PTCH1: variants seen among roughly 807,000 people sequenced by gnomAD.
PTCH1 encodes the protein patched 1.
A neutral mutation model predicts 144.6 loss-of-function variants in PTCH1; 14 were observed. That is an observed-to-expected ratio of 0.10 (90% CI 0.06 to 0.15). The LOEUF (loss-of-function observed/expected upper bound fraction) is 0.15, where lower values mean the gene tolerates loss of function less well. Ranked by LOEUF, PTCH1 falls within the 10% of genes least tolerant of loss-of-function variation. The pLI, the probability that PTCH1 is intolerant of heterozygous loss-of-function variation, is 1.00. For missense variants in PTCH1, 1,623 were observed against 1,948.3 expected, an observed-to-expected ratio of 0.83 and a Z score of 3.14; for synonymous variants, 833 against 793.6, an observed-to-expected ratio of 1.05 and a Z score of -0.83.
intron 19 of PTCH1, 112 bp from the exon 20 acceptor site, chr9:95,453,732 G>T: frequency 6.9e-7 from 1 of 1,448,190 alleles, no homozygotes; most frequent in Non-Finnish European, 9.5e-7. Flanking sequence ...TACTGTTTTA[G>T]TTGCTAGAAT....
In PTCH1 at chr9:95,476,947, T is replaced by C; in HGVS notation, c.1504-90A>G. On this transcript the variant is annotated intron_variant, in intron 10 of 23. Transcript: ENST00000331920. The surrounding 1 kb of genome is among the most constrained non-coding windows in gnomAD (Gnocchi z 4.6). The stretch of plus-strand genomic sequence containing the variant: ...TAGTTAGGACTCTGCCACCAGCACC[T>C]AACAGCTCCTGAAGCAGGGCTTCCG... 8.3e-7 allele frequency: 1 copy of C among 1,207,254 alleles called. No homozygotes were observed. Among genetic ancestry groups the C allele is most frequent in the Non-Finnish European group, 1.2e-6 (1 of 829,592 alleles). The allele number at this position is 1,207,254 out of a possible 1,614,324, so 74.8% of individuals were successfully genotyped here.
intron 22 of PTCH1, among the ~76,000 whole-genome samples, chr9:95,447,747 C>G (rs1053237587): frequency 6.6e-6 from 1 of 152,222 alleles, no homozygotes; most frequent in African/African-American, 2.4e-5. Context: ...TGCTGCCCCC[C>G]ACAACCTGCC....
In PTCH1 at chr9:95,483,895, A is replaced by G. The variant is rs574216678; in HGVS notation, c.585-1692T>C. 4 of 152,360 alleles carry G rather than the reference A, an allele frequency of 2.6e-5. No homozygotes were observed. In the East Asian group the frequency reaches 7.7e-4, roughly 29 times the overall value. 9.4% of individuals were successfully genotyped at this position (152,360 alleles called of 1,614,324 possible). ...ACACTTGAGAAGGACATCATTGTGC[A>G]TTAGAAAAATGAATGGGCTTGAAGC... is the stretch of plus-strand genomic sequence containing the variant. On this transcript the variant is annotated intron_variant, in intron 3 of 23. Transcript: ENST00000331920.
At position 95,453,578 on chromosome 9, in the gene PTCH1, G is replaced by C; in HGVS notation, c.3349C>G (p.Leu1117Val). The change falls in exon 20 of 24, where the codon CTT becomes GTT. Residue 1117 changes from leucine (L) to valine (V), a missense_variant. Coordinates refer to ENST00000331920, the MANE Select transcript of PTCH1 (RefSeq NM_000264.5). ...GGTGCAAACATGTGCTCCAGGGCAA[G>C]CACAGCCCTGCGGTTCTTGTCGCCG... is the stretch of plus-strand genomic sequence containing the variant. ...AIGDKNRRAV[L>V]ALEHMFAPVL... The C allele has an allele frequency of 6.2e-7, 1 of 1,614,044 alleles. No homozygotes were observed.
At chr9:95,500,444 A>G (rs1400919937) in intron 2 of PTCH1, among the ~76,000 whole-genome samples, 1 of 152,196 alleles carries the variant, frequency 6.6e-6, no homozygotes, top group Non-Finnish European at 1.5e-5. Context: ...GAAACTAATA[A>G]ATACCTATAA....
At chr9:95,481,549 T>C (rs914174629) in intron 5 of PTCH1, among the ~76,000 whole-genome samples, 21 of 152,228 alleles carry the variant, frequency 1.4e-4, no homozygotes, top group Non-Finnish European at 2.9e-4. Context: ...CACAGGAAGA[T>C]CTCAAACTCA....
intron 22 of PTCH1, among the ~76,000 whole-genome samples, chr9:95,448,730 GAA>G (rs76240653): frequency 4.4e-5 from 6 of 134,908 alleles, no homozygotes; most frequent in Admixed American, 7.4e-5. Context: ...ACCTTAAGAG[GAA>G]AAAAAAAAAA....
chr9:95,503,667 T>C (rs986843205), intron 2 of PTCH1, among the ~76,000 whole-genome samples: 1 of 152,138 alleles, frequency 6.6e-6, no homozygotes, highest in African/African-American at 2.4e-5. Flanking sequence ...TAGTTTCCCA[T>C]CTGTAAAATG....
At position 95,449,980 on chromosome 9, in the gene PTCH1, G is replaced by T. The variant is rs774438148; in HGVS notation, c.3450-40C>A. On this transcript the variant is annotated intron_variant, in intron 20 of 23. Transcript: ENST00000331920. The surrounding 1 kb of genome is among the most constrained non-coding windows in gnomAD (Gnocchi z 5.3). ...GGAAACGGGAACACGCGCTGTGACAGGGTGGATCGCGCCACCCTCCGTGTG... is the reference window on the plus strand; with the variant it reads ...GGAAACGGGAACACGCGCTGTGACATGGTGGATCGCGCCACCCTCCGTGTG... The T allele has an allele frequency of 6.4e-7, 1 of 1,573,492 alleles. No individual in the cohort carries two copies. The highest frequency in any genetic ancestry group is 8.7e-7 in the Non-Finnish European group (1 of 1,144,610).
chr9:95,471,898 G>T (rs1431300621), intron 12 of PTCH1, among the ~76,000 whole-genome samples: 1 of 152,302 alleles, frequency 6.6e-6, no homozygotes, highest in South Asian at 2.1e-4. Context: ...TTAGCCAGGC[G>T]TGGTGGCGCA....
At chr9:95,488,424 A>G (rs1408812108) in intron 2 of PTCH1, among the ~76,000 whole-genome samples, 1 of 152,218 alleles carries the variant, frequency 6.6e-6, no homozygotes, top group African/African-American at 2.4e-5. Context: ...CACCTATGCC[A>G]TATATACTAT....
At chr9:95,447,581 A>G in intron 22 of PTCH1, 130 bp from the exon 23 acceptor site, 1 of 966,996 alleles carries the variant, frequency 1.0e-6, no homozygotes, top group Non-Finnish European at 1.5e-6. Flanking sequence ...GGGGCCTTCC[A>G]CCCACAAAAG....
intron 12 of PTCH1, among the ~76,000 whole-genome samples, chr9:95,475,097 T>C (rs1840910405): frequency 6.6e-6 from 1 of 152,176 alleles, no homozygotes; most frequent in African/African-American, 2.4e-5. Context: ...CACAAACTGG[T>C]GAAGTCTCTG....
intron 7 of PTCH1, 172 bp downstream of exon 7, chr9:95,479,797 T>C: frequency 9.4e-7 from 1 of 1,058,398 alleles, no homozygotes; most frequent in Non-Finnish European, 1.4e-6. Flanking sequence ...AGGTGCTTTT[T>C]CAAGCTGTTG....
At position 95,457,999 on chromosome 9, in the gene PTCH1, T is replaced by C; in HGVS notation, c.3168+14A>G. 6.2e-7 allele frequency: 1 copy of C among 1,614,018 alleles called. No individual in the cohort carries two copies. On this transcript the variant is annotated intron_variant, in intron 18 of 23. Transcript: ENST00000331920. ...GGAATTTGACTTCCACAAAGCCCCT[T>C]ATAATACACTCACAATGATCCCGGC...
At position 95,508,948 on chromosome 9, in the gene PTCH1, G is replaced by A. The variant is rs1347747278; in HGVS notation, c.-587C>T. Among the ~76,000 whole-genome samples, 1 of 151,402 alleles carries A rather than the reference G, an allele frequency of 6.6e-6. No individual in the cohort carries two copies. The highest frequency in any genetic ancestry group is 2.4e-5 in the African/African-American group (1 of 41,288). ...CTGCCGGGCCCGGGCAGCCGCAGCT[G>A]CCGCTGCTCCCGCGGTGGCTGCTGC... On this transcript the variant is annotated 5_prime_UTR_variant, in exon 1 of 24. An upstream open reading frame in the 5' UTR gains an earlier in-frame stop. Transcript: ENST00000331920.
intron 1 of PTCH1, 191 bp from the exon 2 acceptor site, chr9:95,506,790 G>A (rs1843692504): frequency 2.7e-6 from 3 of 1,094,344 alleles, no homozygotes; most frequent in Non-Finnish European, 3.5e-6. Flanking sequence ...TCATAAAGCC[G>A]GGCCGCAGCG....
In PTCH1 at chr9:95,492,446, T is replaced by C. The variant is rs571932854; in HGVS notation, c.395-6572A>G. On this transcript the variant is annotated intron_variant, in intron 2 of 23. Coordinates refer to ENST00000331920, the MANE Select transcript of PTCH1 (RefSeq NM_000264.5). ...AGATTGTCCACATGGGTGGCTGAGATAGTGACATCTTTGCTTTCAGACAGT... is the reference window on the plus strand; with the variant it reads ...AGATTGTCCACATGGGTGGCTGAGACAGTGACATCTTTGCTTTCAGACAGT... 9.2e-5 allele frequency among the ~76,000 whole-genome samples: 14 copies of C among 152,326 alleles called. No homozygotes were observed. In the South Asian group the frequency reaches 2.7e-3, roughly 29 times the overall value.
intron 2 of PTCH1, among the ~76,000 whole-genome samples, chr9:95,496,580 A>AT (rs1842806016): frequency 1.3e-5 from 2 of 152,018 alleles, no homozygotes; most frequent in African/African-American, 4.8e-5. Flanking sequence ...TAGTCCCCAA[A>AT]TCTCTAGAAA....
Sources: gnomAD v4.1 joint callset for allele counts (sites outside exome capture counted in the v4.1 genomes callset) on GRCh38, gnomAD v4.1.1 for gene constraint, Gnocchi (gnomAD v3.1) non-coding constraint, MANE v1.5 for transcripts, NCBI Gene and HGNC (gene_info 2026-07-23, HGNC 2026-07-21) for gene names.